LUZP4: variants seen among roughly 807,000 people sequenced by gnomAD.
LUZP4 encodes the protein HOM-TES-85 tumor antigen.
In LUZP4, 11 loss-of-function variants were observed where a neutral mutation model predicts 8.5. The observed-to-expected ratio is 1.30, with a 90% confidence interval of 0.82 to 2.14. The LOEUF (loss-of-function observed/expected upper bound fraction) is 2.14, where lower values mean the gene tolerates loss of function less well. LUZP4 is among the 30% of genes most tolerant of loss of function. The pLI is 0.00. For synonymous variants in LUZP4, 104 were observed against 79.4 expected (o/e 1.31, Z -1.65); for missense variants, 276 against 229.7 (o/e 1.20, Z -1.30).
intron 1 of LUZP4, among the ~76,000 whole-genome samples, chrX:115,295,765 T>C (rs1328004651): frequency 9.1e-6 from 1 of 110,207 alleles, no homozygotes; most frequent in Non-Finnish European, 1.9e-5. Context: ...TAATAGGAAC[T>C]CCACTCCCCT....
intron 3 of LUZP4, among the ~76,000 whole-genome samples, 171 bp from the exon 4 acceptor site, chrX:115,306,034 A>G (rs1305070227): frequency 8.9e-6 from 1 of 112,042 alleles, no homozygotes; most frequent in Non-Finnish European, 1.9e-5. Flanking sequence ...ACACGATACA[A>G]TGGAGCTATT....
chrX:115,299,610 A>G (rs1291383534), intron 1 of LUZP4, among the ~76,000 whole-genome samples: 1 of 110,998 alleles, frequency 9.0e-6, no homozygotes, highest in Non-Finnish European at 1.9e-5. Flanking sequence ...ACTACCATAG[A>G]TGTTCCCTTG....
intron 1 of LUZP4, among the ~76,000 whole-genome samples, chrX:115,299,074 G>A (rs1289535320): frequency 9.0e-6 from 1 of 111,480 alleles, no homozygotes; most frequent in Non-Finnish European, 1.9e-5. Context: ...GATGGTTTTG[G>A]ACAGGATCTG....
intron 1 of LUZP4, among the ~76,000 whole-genome samples, chrX:115,298,756 G>C (rs1302718880): frequency 9.0e-6 from 1 of 111,573 alleles, no homozygotes; most frequent in Non-Finnish European, 1.9e-5. Context: ...GGAATTCTCT[G>C]TCTGAAAGGT....
At chrX:115,304,073 T>A (rs1556602777) in intron 3 of LUZP4, among the ~76,000 whole-genome samples, 1 of 112,754 alleles carries the variant, frequency 8.9e-6, no homozygotes, top group Non-Finnish European at 1.9e-5. Flanking sequence ...TGTTTATTTA[T>A]TTGCTTGTTC....
rs1253691280 is a variant in LUZP4 at position 115,307,014 on chromosome X, C to T, written c.*210C>T. ...CCAGGATGTCCCATTAAGTTGTTCCCGGTAGGTCTGCTTTCCCTGGAAGAG... is the reference window on the plus strand; with the variant it reads ...CCAGGATGTCCCATTAAGTTGTTCCTGGTAGGTCTGCTTTCCCTGGAAGAG... On this transcript the variant is annotated 3_prime_UTR_variant, in exon 4 of 4. Transcript: ENST00000371920. 4.7e-5 allele frequency: 20 copies of T among 424,107 alleles called. No homozygotes were observed. The South Asian group carries it at 6.7e-4, about 14-fold the overall frequency. The allele number at this position is 424,107 out of a possible 1,213,427, so 35.0% of individuals were successfully genotyped here.
intron 1 of LUZP4, among the ~76,000 whole-genome samples, chrX:115,298,247 A>T (rs2073379678): frequency 9.0e-6 from 1 of 111,419 alleles, no homozygotes; most frequent in African/African-American, 3.3e-5. Context: ...TTGTGTTTTT[A>T]GTAGAGGTGG....
intron 1 of LUZP4, among the ~76,000 whole-genome samples, chrX:115,298,420 A>T (rs781818136): frequency 1.5e-3 from 166 of 112,542 alleles, no homozygotes; most frequent in Non-Finnish European, 2.3e-3. Flanking sequence ...CTTTACAGCC[A>T]ATAACTCTTA....
In LUZP4 at chrX:115,307,351, C is replaced by A. The variant is rs781862369; in HGVS notation, c.*547C>A. On this transcript the variant is annotated 3_prime_UTR_variant, in exon 4 of 4. Transcript: ENST00000371920. Reference sequence around the variant, plus strand: ...ATCAGACCATATGAGAGGATATATTCTATGCATAGATGTAATGCTAACCTT... The same window carrying A: ...ATCAGACCATATGAGAGGATATATTATATGCATAGATGTAATGCTAACCTT... 1 of 119,287 alleles carries A rather than the reference C, an allele frequency of 8.4e-6. No individual in the cohort carries two copies. Among genetic ancestry groups the A allele is most frequent in the East Asian group, 2.3e-4 (1 of 4,289 alleles). 9.8% of individuals were successfully genotyped at this position (119,287 alleles called of 1,213,427 possible).
intron 1 of LUZP4, among the ~76,000 whole-genome samples, chrX:115,292,501 T>C (rs2073352927): frequency 9.0e-6 from 1 of 111,109 alleles, no homozygotes; most frequent in Non-Finnish European, 1.9e-5. Flanking sequence ...CTGAGTGTGT[T>C]CATTAGTGCT....
chrX:115,299,491 G>A (rs782388095), intron 1 of LUZP4, among the ~76,000 whole-genome samples: 2 of 111,536 alleles, frequency 1.8e-5, no homozygotes, highest in Admixed American at 1.9e-4. Flanking sequence ...TGGCTGAGCT[G>A]GCACTCATAC....
At chrX:115,299,908 G>T (rs1359393549) in intron 1 of LUZP4, among the ~76,000 whole-genome samples, 3 of 111,750 alleles carry the variant, frequency 2.7e-5, no homozygotes, top group African/African-American at 9.8e-5. Context: ...AACAGTTGAT[G>T]AATTCTGCCA....
At chrX:115,295,916 G>A (rs1194538410) in intron 1 of LUZP4, among the ~76,000 whole-genome samples, 1 of 112,053 alleles carries the variant, frequency 8.9e-6, no homozygotes, top group Non-Finnish European at 1.9e-5. Context: ...TAGGCACTTA[G>A]TACACTAGTA....
chrX:115,293,107 A>T (rs782025316), intron 1 of LUZP4, among the ~76,000 whole-genome samples: 1 of 111,078 alleles, frequency 9.0e-6, no homozygotes, highest in South Asian at 3.8e-4. Flanking sequence ...CAAAAAAAAA[A>T]TTTGTTAATA....
intron 3 of LUZP4, among the ~76,000 whole-genome samples, chrX:115,304,678 AT>A (rs1200875109): frequency 5.0e-4 from 52 of 103,942 alleles, no homozygotes; most frequent in South Asian, 1.8e-3. Context: ...TGCTCTGCGA[AT>A]TTTTTTTTTT....
intron 3 of LUZP4, among the ~76,000 whole-genome samples, chrX:115,305,096 T>C (rs1951007567): frequency 8.9e-6 from 1 of 111,935 alleles, no homozygotes; most frequent in African/African-American, 3.2e-5. Flanking sequence ...TTATTTCTTA[T>C]ATAAACATTC....
At position 115,289,727 on chromosome X, in the gene LUZP4, C is replaced by G; in HGVS notation, c.-33C>G. The G allele has an allele frequency of 9.0e-7, 1 of 1,111,809 alleles. No individual in the cohort carries two copies. The highest frequency in any genetic ancestry group is 1.2e-6 in the Non-Finnish European group (1 of 806,156). 91.6% of individuals were successfully genotyped at this position (1,111,809 alleles called of 1,213,427 possible). A position where few individuals can be genotyped will look rare whatever the true frequency, so the allele number is the denominator to read the frequency against. ...GTGAGGGGGTGGTACACGCGCCCTACCTCGGAGTGTGTGGCGCCATGATGC... is the reference window on the plus strand; with the variant it reads ...GTGAGGGGGTGGTACACGCGCCCTAGCTCGGAGTGTGTGGCGCCATGATGC... On this transcript the variant is annotated 5_prime_UTR_variant, in exon 1 of 4. Transcript: ENST00000371920.
intron 1 of LUZP4, among the ~76,000 whole-genome samples, chrX:115,291,549 G>T (rs2147397957): frequency 9.0e-6 from 1 of 111,285 alleles, no homozygotes; most frequent in South Asian, 3.8e-4. Context: ...TCACCTTAGA[G>T]ATGAGGGTAG....
chrX:115,294,682 G>T, intron 1 of LUZP4, among the ~76,000 whole-genome samples: 1 of 111,320 alleles, frequency 9.0e-6, no homozygotes, highest in East Asian at 2.8e-4. Context: ...AGAGATGGTG[G>T]TGTCGTGTAA....
Sources: gnomAD v4.1 joint callset for allele counts (sites outside exome capture counted in the v4.1 genomes callset) on GRCh38, gnomAD v4.1.1 for gene constraint, MANE v1.5 for transcripts, NCBI Gene and HGNC (gene_info 2026-07-23, HGNC 2026-07-21) for gene names.